The following PCDH9 variants were observed in gnomAD, a reference collection of about 807,000 sequenced individuals.
PCDH9 encodes protocadherin 9.
PCDH9 carries 24 observed loss-of-function variants against 70.6 expected under a neutral mutation model. The ratio of observed to expected loss-of-function variants is 0.34; its 90% confidence interval spans 0.25 to 0.48. PCDH9 has a LOEUF of 0.48. PCDH9 is among the 20% of genes least tolerant of loss of function. The probability of loss-of-function intolerance (pLI) is 0.99; values close to 1 mark genes in which losing one functional copy is unlikely to be tolerated. For missense variants in PCDH9, 1,281 were observed against 1,503.6 expected, an observed-to-expected ratio of 0.85 and a Z score of 2.45; for synonymous variants, 562 against 558.5, an observed-to-expected ratio of 1.01 and a Z score of -0.09.
intron 2 of PCDH9, among the ~76,000 whole-genome samples, chr13:67,175,723 A>T (rs1009591446): frequency 6.6e-6 from 1 of 152,170 alleles, no homozygotes; most frequent in Non-Finnish European, 1.5e-5. Context: ...TTGGTTACAG[A>T]TAGAATATAG....
At chr13:66,626,255 C>T (rs2077497658) in intron 4 of PCDH9, among the ~76,000 whole-genome samples, 1 of 152,086 alleles carries the variant, frequency 6.6e-6, no homozygotes, top group Non-Finnish European at 1.5e-5. Context: ...GTTTGTTGAG[C>T]AGAACTCAGA....
At chr13:67,214,933 C>CATATATATATATATAT (rs1388312996) in intron 2 of PCDH9, 12 of 26,130 alleles carry the variant, frequency 4.6e-4, no homozygotes, top group African/African-American at 1.5e-3. Context: ...TATTGCGAGC[C>CATATATATATATATAT]AGATATATAT....
At chr13:67,156,301 G>A (rs896644489) in intron 2 of PCDH9, among the ~76,000 whole-genome samples, 2 of 152,126 alleles carry the variant, frequency 1.3e-5, no homozygotes, top group Non-Finnish European at 2.9e-5. Context: ...AGAAGATAGA[G>A]GCAGGGGGAT....
At chr13:66,349,432 G>A (rs936347646) in intron 4 of PCDH9, among the ~76,000 whole-genome samples, 1 of 152,218 alleles carries the variant, frequency 6.6e-6, no homozygotes, top group African/African-American at 2.4e-5. Flanking sequence ...GAAGACAAGA[G>A]AGGTTTTCCT....
chr13:66,887,384 A>G (rs979124688), intron 3 of PCDH9, among the ~76,000 whole-genome samples: 11 of 152,208 alleles, frequency 7.2e-5, no homozygotes, highest in Non-Finnish European at 1.6e-4. Flanking sequence ...TGCCCTAGAA[A>G]AAAAAAATGC....
chr13:66,666,834 G>A (rs2078104125), intron 3 of PCDH9, among the ~76,000 whole-genome samples: 1 of 152,138 alleles, frequency 6.6e-6, no homozygotes, highest in Non-Finnish European at 1.5e-5. Context: ...GAGGCAAAAA[G>A]ATTTGAATAT....
intron 3 of PCDH9, among the ~76,000 whole-genome samples, chr13:66,713,999 T>C (rs2078835266): frequency 1.3e-5 from 2 of 152,132 alleles, no homozygotes; most frequent in African/African-American, 2.4e-5. Context: ...AATTGGTTTA[T>C]TGTTTCTTCA....
chr13:67,144,472 C>A (rs1250600408), intron 2 of PCDH9, among the ~76,000 whole-genome samples: 1 of 152,048 alleles, frequency 6.6e-6, no homozygotes, highest in South Asian at 2.1e-4. Flanking sequence ...TAGTGAAAAT[C>A]TCATATATTT....
chr13:66,942,331 G>T (rs1422312614), intron 2 of PCDH9, among the ~76,000 whole-genome samples: 1 of 151,484 alleles, frequency 6.6e-6, no homozygotes, highest in Admixed American at 6.6e-5. Context: ...TAAACAGAAA[G>T]CAGAAAAACA....
intron 2 of PCDH9, among the ~76,000 whole-genome samples, chr13:66,982,076 C>A (rs556288765): frequency 6.6e-6 from 1 of 152,252 alleles, no homozygotes; most frequent in Admixed American, 6.5e-5. Flanking sequence ...ATAGTGAGTT[C>A]TCCTGAGATC....
At chr13:66,818,376 T>A (rs2080646107) in intron 3 of PCDH9, among the ~76,000 whole-genome samples, 1 of 152,220 alleles carries the variant, frequency 6.6e-6, no homozygotes, top group South Asian at 2.1e-4. Context: ...ATAAGGTTTT[T>A]CAGGAGAGAA....
chr13:66,587,648 C>T (rs2076981082), intron 4 of PCDH9, among the ~76,000 whole-genome samples: 1 of 152,004 alleles, frequency 6.6e-6, no homozygotes, highest in Non-Finnish European at 1.5e-5. Flanking sequence ...AAAGTAGCTT[C>T]CTGAAAATAC....
chr13:66,437,763 G>T (rs1421059399), intron 4 of PCDH9, among the ~76,000 whole-genome samples: 2 of 152,034 alleles, frequency 1.3e-5, no homozygotes, highest in Non-Finnish European at 2.9e-5. Flanking sequence ...TGAAAAAAAT[G>T]CATGTCTTAT....
intron 2 of PCDH9, among the ~76,000 whole-genome samples, chr13:67,124,440 G>C (rs768369145): frequency 1.3e-5 from 2 of 152,134 alleles, no homozygotes; most frequent in Non-Finnish European, 2.9e-5. Flanking sequence ...TAAATAACCT[G>C]TTCTCTTTCC....
chr13:66,434,989 G>T (rs1474502435), intron 4 of PCDH9, among the ~76,000 whole-genome samples: 1 of 151,898 alleles, frequency 6.6e-6, no homozygotes, highest in South Asian at 2.1e-4. Context: ...TAGAAGTGAG[G>T]TCTGACTTAA....
chr13:66,915,448 G>T lies in PCDH9; in HGVS notation c.3037-11843C>A, dbSNP rs577920976. ...AGATGTTGCTAGACTACTCACATAG[G>T]TATTTTTTTCTTATCATTTGATTAC... On this transcript the variant is annotated intron_variant, in intron 2 of 4. Transcript: ENST00000377865. Among the ~76,000 whole-genome samples, 6 of 151,508 alleles carry T rather than the reference G, an allele frequency of 4.0e-5. No individual in the cohort carries two copies. The South Asian group carries it at 1.2e-3, about 31-fold the overall frequency.
intron 3 of PCDH9, among the ~76,000 whole-genome samples, chr13:66,759,123 T>C (rs954628872): frequency 1.3e-5 from 2 of 152,060 alleles, no homozygotes; most frequent in Non-Finnish European, 2.9e-5. Flanking sequence ...TCTTTTTCTC[T>C]GATCTTTACT....
At chr13:66,816,374 GAT>G (rs1459112039) in intron 3 of PCDH9, among the ~76,000 whole-genome samples, 1 of 152,050 alleles carries the variant, frequency 6.6e-6, no homozygotes, top group African/African-American at 2.4e-5. Flanking sequence ...ATGATCAATT[GAT>G]AATATAGCCC....
rs941072447 is a variant in PCDH9 at position 66,805,480 on chromosome 13, A to G, written c.3138+98024T>C. 6.6e-5 allele frequency among the ~76,000 whole-genome samples: 10 copies of G among 152,308 alleles called. No individual in the cohort carries two copies. The East Asian group carries it at 1.9e-3, about 29-fold the overall frequency. On this transcript the variant is annotated intron_variant, in intron 3 of 4. Coordinates refer to ENST00000377865, the MANE Select transcript of PCDH9 (RefSeq NM_203487.3). ...TAAAAATAAAATTGCATGTTAATCT[A>G]GAAAATTAGAAATATGGATTTTCTC...
Sources: allele counts gnomAD v4.1 joint callset (sites outside exome capture counted in the v4.1 genomes callset), GRCh38; gene constraint gnomAD v4.1.1; transcripts MANE v1.5; gene names NCBI Gene and HGNC (gene_info 2026-07-23, HGNC 2026-07-21).